The following CDYL2 variants were observed in gnomAD, a reference collection of about 807,000 sequenced individuals.
CDYL2 encodes the protein chromodomain Y like 2.
Under a neutral mutation model 49.4 loss-of-function variants are expected in CDYL2, and 23 were observed. The ratio of observed to expected loss-of-function variants is 0.47; its 90% CI spans 0.34 to 0.66. CDYL2 has a LOEUF of 0.66. CDYL2 is among the 30% of genes least tolerant of loss of function. CDYL2 has a pLI of 0.01. For missense variants in CDYL2, 678 were observed against 656.4 expected (o/e 1.03, Z -0.36); for synonymous variants, 360 against 268.8 (o/e 1.34, Z -3.32).
chr16:80,690,970 G>A (rs1386830768), intron 1 of CDYL2, among the ~76,000 whole-genome samples: 1 of 152,138 alleles, frequency 6.6e-6, no homozygotes, highest in African/African-American at 2.4e-5. Flanking sequence ...GACTGCTGAA[G>A]GGATATCTTC....
chr16:80,693,983 A>C (rs1189972102), intron 1 of CDYL2, among the ~76,000 whole-genome samples: 1 of 152,244 alleles, frequency 6.6e-6, no homozygotes, highest in African/African-American at 2.4e-5. Flanking sequence ...ACTGTGTTTT[A>C]ATTGGACAAA....
intron 3 of CDYL2, among the ~76,000 whole-genome samples, chr16:80,630,438 G>A (rs766126671): frequency 1.6e-4 from 24 of 152,196 alleles, no homozygotes; most frequent in Non-Finnish European, 3.2e-4. Flanking sequence ...TGCCTTTTTA[G>A]AGCACGCTTT....
chr16:80,670,551 G>C (rs1399943507), intron 2 of CDYL2, among the ~76,000 whole-genome samples: 2 of 152,090 alleles, frequency 1.3e-5, no homozygotes, highest in Non-Finnish European at 2.9e-5. Flanking sequence ...CTTGAGAATG[G>C]ACTAATACAA....
chr16:80,695,524 G>C (rs1408093691), intron 1 of CDYL2, among the ~76,000 whole-genome samples: 1 of 152,104 alleles, frequency 6.6e-6, no homozygotes, highest in Non-Finnish European at 1.5e-5. Context: ...CACCTGTAAA[G>C]ACACAAACAG....
At chr16:80,794,040 T>G (rs1907691242) in intron 1 of CDYL2, among the ~76,000 whole-genome samples, 1 of 152,212 alleles carries the variant, frequency 6.6e-6, no homozygotes, top group Non-Finnish European at 1.5e-5. Flanking sequence ...ATATTCTTCA[T>G]TCTAATTGAT....
chr16:80,658,183 T>G (rs1308537601), intron 2 of CDYL2, among the ~76,000 whole-genome samples: 1 of 150,852 alleles, frequency 6.6e-6, no homozygotes, highest in Non-Finnish European at 1.5e-5. Flanking sequence ...GCAGGGAAAA[T>G]TGAGTAAAAG....
At chr16:80,618,084 T>C (rs1004073533) in intron 4 of CDYL2, among the ~76,000 whole-genome samples, 1 of 152,322 alleles carries the variant, frequency 6.6e-6, no homozygotes, top group Non-Finnish European at 1.5e-5. Flanking sequence ...CCATCCTTGC[T>C]AGTTCATGAA....
chr16:80,646,930 TG>T (rs1215596359), intron 2 of CDYL2, among the ~76,000 whole-genome samples: 1 of 145,048 alleles, frequency 6.9e-6, no homozygotes, highest in East Asian at 2.0e-4. Context: ...TCCTTGCCAA[TG>T]AATACCAAAA....
At chr16:80,649,366 A>G (rs1670430993) in intron 2 of CDYL2, among the ~76,000 whole-genome samples, 1 of 152,110 alleles carries the variant, frequency 6.6e-6, no homozygotes, top group Non-Finnish European at 1.5e-5. Flanking sequence ...AAAGAAATTA[A>G]AAAGTTATCC....
At chr16:80,670,882 C>CG (rs1406774969) in intron 2 of CDYL2, 3 of 455,644 alleles carry the variant, frequency 6.6e-6, no homozygotes, top group Non-Finnish European at 1.3e-5. Context: ...AGTCAGGTTG[C>CG]GCACGAGGAA....
intron 1 of CDYL2, among the ~76,000 whole-genome samples, chr16:80,740,668 A>T (rs563873964): frequency 1.3e-5 from 2 of 152,334 alleles, no homozygotes; most frequent in Non-Finnish European, 1.5e-5. Flanking sequence ...ATTCAGAAAG[A>T]TGTGTAGTTC....
intron 1 of CDYL2, among the ~76,000 whole-genome samples, chr16:80,759,170 A>C (rs1906442345): frequency 7.1e-6 from 1 of 140,000 alleles, no homozygotes; most frequent in Non-Finnish European, 1.5e-5. Context: ...TTATATATAT[A>C]TATATGGTGT....
chr16:80,620,610 A>G (rs1907035267), intron 4 of CDYL2, among the ~76,000 whole-genome samples, 153 bp downstream of exon 4: 1 of 152,282 alleles, frequency 6.6e-6, no homozygotes, highest in African/African-American at 2.4e-5. Flanking sequence ...ACATTTTAAA[A>G]ATGTAAGCAG....
Position 80,636,682 on chromosome 16 carries a change from A to G in CDYL2, c.617-3446T>C, listed in dbSNP as rs554812896. On this transcript the variant is annotated intron_variant, in intron 2 of 6. Coordinates refer to ENST00000570137, the MANE Select transcript of CDYL2 (RefSeq NM_152342.4). ...GGATCTAGAACTAGAAATACCATTT[A>G]ACCCAGCAATCCCATCCTGGGTATA... 1.2e-4 allele frequency among the ~76,000 whole-genome samples: 18 copies of G among 152,302 alleles called. No individual in the cohort carries two copies. The East Asian group carries it at 3.3e-3, about 28-fold the overall frequency.
rs371759744 is a variant in CDYL2, at chr16:80,632,991, G to A, written c.834+28C>T. On this transcript the variant is annotated intron_variant, in intron 3 of 6. Coordinates refer to ENST00000570137, the MANE Select transcript of CDYL2 (RefSeq NM_152342.4). ...GTGAGAAGGAGCCACAGCCCAGCTT[G>A]CCCTTCCCTCTGGCCGCCACCCCTT... is the stretch of plus-strand genomic sequence containing the variant. 1.5e-4 allele frequency: 241 copies of A among 1,598,750 alleles called. 1 individual carries two copies. The African/African-American group carries it at 2.7e-3, about 18-fold the overall frequency.
chr16:80,706,743 G>A (rs539323314), intron 1 of CDYL2, among the ~76,000 whole-genome samples: 1 of 152,208 alleles, frequency 6.6e-6, no homozygotes, highest in Non-Finnish European at 1.5e-5. Flanking sequence ...AAGAAACAAA[G>A]GAAGTAGAGG....
chr16:80,695,994 A>C (rs1163613263), intron 1 of CDYL2, among the ~76,000 whole-genome samples: 1 of 152,244 alleles, frequency 6.6e-6, no homozygotes. Context: ...TAGACCATAC[A>C]TCATGCCACA....
intron 1 of CDYL2, among the ~76,000 whole-genome samples, chr16:80,718,666 T>C (rs1435937485): frequency 6.6e-6 from 1 of 152,148 alleles, no homozygotes; most frequent in East Asian, 1.9e-4. Context: ...GTCTGGCAAG[T>C]GTAACCTGAC....
intron 1 of CDYL2, among the ~76,000 whole-genome samples, chr16:80,732,085 TAGAC>T (rs1205674129): frequency 2.6e-5 from 4 of 152,126 alleles, no homozygotes; most frequent in African/African-American, 7.2e-5. Context: ...CAGAATTAAA[TAGAC>T]AGTCATAATG....
Sources: allele counts gnomAD v4.1 joint callset (sites outside exome capture counted in the v4.1 genomes callset), GRCh38; gene constraint gnomAD v4.1.1; transcripts MANE v1.5; gene names NCBI Gene and HGNC (gene_info 2026-07-23, HGNC 2026-07-21).